DYRK2: variants seen among roughly 807,000 people sequenced by gnomAD.
DYRK2 encodes dual specificity tyrosine-phosphorylation-regulated kinase 2.
A neutral mutation model predicts 41.6 loss-of-function variants in DYRK2; 12 were observed. The observed-to-expected ratio is 0.29, with a 90% CI of 0.18 to 0.47. DYRK2 has a LOEUF of 0.47. Ranked by LOEUF, DYRK2 falls within the 20% of genes least tolerant of loss-of-function variation. The probability of loss-of-function intolerance (pLI) is 1.00; values close to 1 mark genes in which losing one functional copy is unlikely to be tolerated. For missense variants in DYRK2, 678 were observed against 798.4 expected, an observed-to-expected ratio of 0.85 and a Z score of 1.82; for synonymous variants, 322 against 315.7, an observed-to-expected ratio of 1.02 and a Z score of -0.21.
rs1184829733 is a variant in DYRK2, at chr12:67,650,014, T to G, written c.198+69T>G. On this transcript the variant is annotated intron_variant, in intron 2 of 2. Coordinates refer to ENST00000344096, the MANE Select transcript of DYRK2 (RefSeq NM_006482.3). ...GGGCCCCAGGCCGAAGCACCCGGAC[T>G]TGGAGGGGTCTGACGCCGGGAGAAG... The G allele has an allele frequency of 3.1e-6, 4 of 1,270,926 alleles. No individual in the cohort carries two copies. The African/African-American group carries it at 6.2e-5, about 20-fold the overall frequency. The allele number at this position is 1,270,926 out of a possible 1,614,324, so 78.7% of individuals were successfully genotyped here.
In DYRK2 at chr12:67,658,567, A is replaced by G. The variant is rs577987133; in HGVS notation, c.1660A>G (p.Thr554Ala). 13 of 1,614,158 alleles carry G rather than the reference A, an allele frequency of 8.1e-6. No homozygotes were observed. In the African/African-American group the frequency reaches 1.2e-4, roughly 15 times the overall value. The change falls in exon 3 of 3, where the codon ACT becomes GCT. Residue 554 changes from threonine (T) to alanine (A), a missense_variant. Around this residue, in one of 2 missense-constraint regions of DYRK2, gnomAD observed 393 missense variants for 519.1 expected, o/e 0.76. Coordinates refer to ENST00000344096, the MANE Select transcript of DYRK2 (RefSeq NM_006482.3). This position sits in a 1 kb window ranked among gnomAD's most constrained non-coding sequence, Gnocchi z 4.3. ...GGAGAAAACGTCAGTGAAAAGGATA[A>G]CTGAGAGCACCGGTGCTATCACATC... ...TGEKTSVKRI[T>A]ESTGAITSIS...
At chr12:67,655,768 G>A (rs1174810765) in intron 2 of DYRK2, among the ~76,000 whole-genome samples, 5 of 152,208 alleles carry the variant, frequency 3.3e-5, no homozygotes, top group African/African-American at 1.2e-4. Flanking sequence ...TAGTAAGAAG[G>A]AGTTGGAATT....
At position 67,660,991 on chromosome 12, in the gene DYRK2, A is replaced by G. The variant is rs1284353805; in HGVS notation, c.*2278A>G. The G allele has an allele frequency of 6.0e-6, 1 of 167,038 alleles. No individual in the cohort carries two copies. The highest frequency in any genetic ancestry group is 1.5e-5 in the Non-Finnish European group (1 of 68,126). The allele number at this position is 167,038 out of a possible 1,614,324, so 10.3% of individuals were successfully genotyped here. On this transcript the variant is annotated 3_prime_UTR_variant, in exon 3 of 3. Transcript: ENST00000344096. ...ACTGCTTGTCTTTCCCCCACCGCAC[A>G]AAACTGGTTCTTAAGATGCCAGCAA... is the stretch of plus-strand genomic sequence containing the variant.
intron 2 of DYRK2, among the ~76,000 whole-genome samples, chr12:67,654,067 A>G (rs1872399836): frequency 6.6e-6 from 1 of 152,230 alleles, no homozygotes; most frequent in Non-Finnish European, 1.5e-5. Flanking sequence ...CTTTTTGCAG[A>G]CAAGGGCACT....
chr12:67,648,823 T>G lies in DYRK2; in HGVS notation c.-311T>G. The G allele has an allele frequency of 1.1e-5, 2 of 179,594 alleles. No homozygotes were observed. The highest frequency in any genetic ancestry group is 1.3e-4 in the East Asian group (1 of 7,798). 11.1% of individuals were successfully genotyped at this position (179,594 alleles called of 1,614,324 possible). ...GCTTCCAGCTCCCCGCGCCCCTATG[T>G]GAGGGAGACGGGGAGGCCCGCGGCG... On this transcript the variant is annotated 5_prime_UTR_variant, in exon 1 of 3. An upstream open reading frame in the 5' UTR loses its in-frame stop. Transcript: ENST00000344096.
Position 67,657,381 on chromosome 12 carries a change from A to T in DYRK2, c.474A>T (p.Gln158His). Residue 158 changes from glutamine to histidine, a missense_variant, in exon 3 of 3, where the codon CAA (glutamine) becomes CAT (histidine). Physicochemically the swap from Gln to His is conservative, Grantham distance 24. This residue lies in a region of DYRK2 where 285 missense variants were observed against 279.2 expected (regional missense o/e 1.02). Coordinates refer to ENST00000344096, the MANE Select transcript of DYRK2 (RefSeq NM_006482.3). The surrounding 1 kb of genome is among the most constrained non-coding windows in gnomAD (Gnocchi z 4.8). ...KVKATPMTPE[Q>H]AMKQYMQKLT... ...AAGCCACCCCCATGACACCTGAACA[A>T]GCAATGAAGCAATACATGCAAAAAC... The T allele has an allele frequency of 6.2e-7, 1 of 1,614,212 alleles. No individual in the cohort carries two copies. The highest frequency in any genetic ancestry group is 8.5e-7 in the Non-Finnish European group (1 of 1,180,030).
In DYRK2 at chr12:67,659,775, A is replaced by G. The variant is rs973721322; in HGVS notation, c.*1062A>G. 7 of 167,098 alleles carry G rather than the reference A, an allele frequency of 4.2e-5. No individual in the cohort carries two copies. The Admixed American group carries it at 4.6e-4, about 11-fold the overall frequency. The allele number at this position is 167,098 out of a possible 1,614,324, so 10.4% of individuals were successfully genotyped here. ...GTTCTCTCAGCCTGGGAAACTATCA[A>G]CTCTTTCTTTAAAAAGAAAGAGGGT... On this transcript the variant is annotated 3_prime_UTR_variant, in exon 3 of 3. Transcript: ENST00000344096.
chr12:67,649,084 A>G lies in DYRK2; in HGVS notation c.-50A>G. The G allele has an allele frequency of 6.9e-7, 1 of 1,440,776 alleles. No homozygotes were observed. Among genetic ancestry groups the G allele is most frequent in the Non-Finnish European group, 9.2e-7 (1 of 1,084,492 alleles). The allele number at this position is 1,440,776 out of a possible 1,614,324, so 89.2% of individuals were successfully genotyped here. ...GGCGGCCGCCAGAAGTAGCAGCAGG[A>G]CCGGCGGCGGCGACGGCAGCCCTGA... On this transcript the variant is annotated 5_prime_UTR_variant, in exon 1 of 3. Coordinates refer to ENST00000344096, the MANE Select transcript of DYRK2 (RefSeq NM_006482.3).
chr12:67,658,623 A>G lies in DYRK2; in HGVS notation c.1716A>G (p.Ser572=). The G allele has an allele frequency of 6.2e-7, 1 of 1,614,190 alleles. No individual in the cohort carries two copies. Among genetic ancestry groups the G allele is most frequent in the Non-Finnish European group, 8.5e-7 (1 of 1,180,032 alleles). The change falls in exon 3 of 3, where the codon TCA becomes TCG. Residue 572 remains serine (S), a synonymous_variant. Transcript: ENST00000344096. This position sits in a 1 kb window ranked among gnomAD's most constrained non-coding sequence, Gnocchi z 4.3. Reference sequence around the variant, plus strand: ...CCAAGTTACCTCCACCTTCTAGCTCAGCTTCCAAACTGAGGACTAATTTGG... The same window carrying G: ...CCAAGTTACCTCCACCTTCTAGCTCGGCTTCCAAACTGAGGACTAATTTGG... ...SISKLPPPSS[S]ASKLRTNLAQ...
chr12:67,650,070 C>T lies in DYRK2; in HGVS notation c.198+125C>T, dbSNP rs1354103640. On this transcript the variant is annotated intron_variant, in intron 2 of 2. Transcript: ENST00000344096. Reference sequence around the variant, plus strand: ...TCGAGATACAAGCAGCCCCACGCCTCGGGCCGATGGTCTCTCGTCGACGCC... The same window carrying T: ...TCGAGATACAAGCAGCCCCACGCCTTGGGCCGATGGTCTCTCGTCGACGCC... 7.7e-6 allele frequency: 8 copies of T among 1,042,580 alleles called. No homozygotes were observed. The South Asian group carries it at 2.9e-4, about 38-fold the overall frequency. The allele number at this position is 1,042,580 out of a possible 1,614,324, so 64.6% of individuals were successfully genotyped here.
At chr12:67,651,587 C>T (rs1207920662) in intron 2 of DYRK2, 1 of 455,810 alleles carries the variant, frequency 2.2e-6, no homozygotes, top group Non-Finnish European at 4.4e-6. Flanking sequence ...GTGGCATATG[C>T]CAGATTTACT....
At position 67,659,171 on chromosome 12, in the gene DYRK2, A is replaced by C. The variant is rs1188235636; in HGVS notation, c.*458A>C. On this transcript the variant is annotated 3_prime_UTR_variant, in exon 3 of 3. Transcript: ENST00000344096. ...CATGTCCTGCTTCCGTTTTTCATAAATTAATCTGGGTGTTGGGGGTAGTGG... is the reference window on the plus strand; with the variant it reads ...CATGTCCTGCTTCCGTTTTTCATAACTTAATCTGGGTGTTGGGGGTAGTGG... 1 of 167,494 alleles carries C rather than the reference A, an allele frequency of 6.0e-6. No homozygotes were observed. Among genetic ancestry groups the C allele is most frequent in the Non-Finnish European group, 1.5e-5 (1 of 68,458 alleles). The allele number at this position is 167,494 out of a possible 1,614,324, so 10.4% of individuals were successfully genotyped here.
At chr12:67,651,625 T>C (rs1484305281) in intron 2 of DYRK2, 1 of 455,962 alleles carries the variant, frequency 2.2e-6, no homozygotes. Flanking sequence ...TAAACTTCGG[T>C]ATGCTGTTAA....
In DYRK2 at chr12:67,661,081, G is replaced by T. The variant is rs1262054578; in HGVS notation, c.*2368G>T. On this transcript the variant is annotated 3_prime_UTR_variant, in exon 3 of 3. Transcript: ENST00000344096. ...AACTTTTATACCAAACTATAATAAT[G>T]TGCAGCACTGTAGGGCTTTTTTTTT... 1 of 165,006 alleles carries T rather than the reference G, an allele frequency of 6.1e-6. No individual in the cohort carries two copies. Among genetic ancestry groups the T allele is most frequent in the Non-Finnish European group, 1.5e-5 (1 of 67,964 alleles). 10.2% of individuals were successfully genotyped at this position (165,006 alleles called of 1,614,324 possible).
chr12:67,652,996 A>ATTTTTTTTTTTTTT (rs538431655), intron 2 of DYRK2, among the ~76,000 whole-genome samples: 21 of 151,358 alleles, frequency 1.4e-4, no homozygotes, highest in African/African-American at 5.2e-4. Context: ...TGCCTGGCTA[A>ATTTTTTTTTTTTTT]TTTTTGTATT....
Position 67,659,200 on chromosome 12 carries a change from G to A in DYRK2, c.*487G>A, listed in dbSNP as rs1872563780. 1 of 167,348 alleles carries A rather than the reference G, an allele frequency of 6.0e-6. No homozygotes were observed. Among genetic ancestry groups the A allele is most frequent in the Admixed American group, 6.5e-5 (1 of 15,284 alleles). The allele number at this position is 167,348 out of a possible 1,614,324, so 10.4% of individuals were successfully genotyped here. On this transcript the variant is annotated 3_prime_UTR_variant, in exon 3 of 3. Transcript: ENST00000344096. ...ATCTGGGTGTTGGGGGTAGTGGGAG[G>A]AGAACGGTCAGAATCAAAGTGACAT...
At position 67,661,902 on chromosome 12, in the gene DYRK2, T is replaced by G. The variant is rs1179075505; in HGVS notation, c.*3189T>G. 1 of 166,906 alleles carries G rather than the reference T, an allele frequency of 6.0e-6. No homozygotes were observed. The highest frequency in any genetic ancestry group is 1.5e-5 in the Non-Finnish European group (1 of 68,104). The allele number at this position is 166,906 out of a possible 1,614,324, so 10.3% of individuals were successfully genotyped here. A position where few individuals can be genotyped will look rare whatever the true frequency, so the allele number is the denominator to read the frequency against. ...GTGATTAATCCCAGGGCATTTGGTA[T>G]GAACCAAAGTGCATTCCTTTTATAT... On this transcript the variant is annotated 3_prime_UTR_variant, in exon 3 of 3. Transcript: ENST00000344096.
At position 67,662,296 on chromosome 12, in the gene DYRK2, A is replaced by G. The variant is rs1281625755; in HGVS notation, c.*3583A>G. 6.0e-6 allele frequency: 1 copy of G among 166,990 alleles called. No homozygotes were observed. The highest frequency in any genetic ancestry group is 1.5e-5 in the Non-Finnish European group (1 of 68,088). The allele number at this position is 166,990 out of a possible 1,614,324, so 10.3% of individuals were successfully genotyped here. A position where few individuals can be genotyped will look rare whatever the true frequency, so the allele number is the denominator to read the frequency against. On this transcript the variant is annotated 3_prime_UTR_variant, in exon 3 of 3. Coordinates refer to ENST00000344096, the MANE Select transcript of DYRK2 (RefSeq NM_006482.3). ...GCTTGTACATCTCTCTGCTATGGAC[A>G]TACATAAAATTAATTGTAATTATAC...
intron 1 of DYRK2, 36 bp downstream of exon 1, chr12:67,649,218 C>G (rs1196702353): frequency 6.9e-7 from 1 of 1,452,894 alleles, no homozygotes; most frequent in African/African-American, 1.5e-5. Flanking sequence ...CATCCCCGGA[C>G]CCCCGCCGGC....
Sources: gnomAD v4.1 joint callset for allele counts (sites outside exome capture counted in the v4.1 genomes callset) on GRCh38, gnomAD v4.1.1 for gene constraint, gnomAD v4.1.1 regional missense constraint, Gnocchi (gnomAD v3.1) non-coding constraint, MANE v1.5 for transcripts, NCBI Gene and HGNC (gene_info 2026-07-23, HGNC 2026-07-21) for gene names.